MAL: variants seen among roughly 807,000 people sequenced by gnomAD.
The protein encoded by MAL is myelin and lymphocyte protein.
A neutral mutation model predicts 16.7 loss-of-function variants in MAL; 5 were observed. The ratio of observed to expected loss-of-function variants is 0.30; its 90% CI spans 0.16 to 0.63. The LOEUF (loss-of-function observed/expected upper bound fraction) is 0.63. MAL is among the 30% of genes least tolerant of loss of function. The pLI is 0.82. For synonymous variants in MAL, 96 were observed against 85.5 expected (o/e 1.12, Z -0.67); for missense variants, 202 against 195.8 (o/e 1.03, Z -0.19).
chr2:95,032,015 A>G (rs1246940650), intron 1 of MAL, among the ~76,000 whole-genome samples: 1 of 152,220 alleles, frequency 6.6e-6, no homozygotes, highest in East Asian at 1.9e-4. Context: ...GTGTCATCAC[A>G]CCTGAGCTAT....
chr2:95,035,328 C>G (rs748242622), intron 1 of MAL, among the ~76,000 whole-genome samples: 3 of 152,238 alleles, frequency 2.0e-5, no homozygotes, highest in Non-Finnish European at 2.9e-5. Flanking sequence ...AGTATTTTCA[C>G]AGAACCTCTT....
At chr2:95,029,418 A>G (rs1203237846) in intron 1 of MAL, among the ~76,000 whole-genome samples, 1 of 152,258 alleles carries the variant, frequency 6.6e-6, no homozygotes, top group African/African-American at 2.4e-5. Context: ...CTTCTGCAAC[A>G]TGCTTTCCAG....
intron 1 of MAL, among the ~76,000 whole-genome samples, chr2:95,043,916 A>C (rs1204110263): frequency 6.6e-6 from 1 of 152,166 alleles, no homozygotes; most frequent in African/African-American, 2.4e-5. Flanking sequence ...ATCTGTGACT[A>C]CCTTCACCTT....
rs540660294 is a variant in MAL at position 95,049,567 on chromosome 2, C to A, written c.262-14C>A. On this transcript the variant is annotated splice_polypyrimidine_tract_variant and intron_variant, in intron 2 of 3. Transcript: ENST00000309988. Reference sequence around the variant, plus strand: ...CTCTCTCCCCATCCCTCTGACACCCCGTCTGCCCCATAGGACGCAGCCTAC... The same window carrying A: ...CTCTCTCCCCATCCCTCTGACACCCAGTCTGCCCCATAGGACGCAGCCTAC... 2 of 1,613,852 alleles carry A rather than the reference C, an allele frequency of 1.2e-6. No homozygotes were observed. The highest frequency in any genetic ancestry group is 1.7e-6 in the Non-Finnish European group (2 of 1,179,940).
At chr2:95,047,682 A>T (rs754645693) in intron 1 of MAL, among the ~76,000 whole-genome samples, 5 of 152,178 alleles carry the variant, frequency 3.3e-5, no homozygotes, top group Non-Finnish European at 7.4e-5. Flanking sequence ...ACGCCACTGT[A>T]CTCACGCCTG....
At chr2:95,049,533 GC>G (rs753813068) in intron 2 of MAL, 47 bp from the exon 3 acceptor site, 2 of 1,607,876 alleles carry the variant, frequency 1.2e-6, no homozygotes, top group Non-Finnish European at 1.7e-6. Context: ...CTGCATCTGG[GC>G]CCCGTCTCTC....
chr2:95,049,471 T>G, intron 2 of MAL, 110 bp from the exon 3 acceptor site: 1 of 1,381,360 alleles, frequency 7.2e-7, no homozygotes. Flanking sequence ...GGGGTGGGAT[T>G]CAAAGGAAGT....
chr2:95,047,796 G>A (rs940676208), intron 1 of MAL, among the ~76,000 whole-genome samples, 163 bp from the exon 2 acceptor site: 1 of 152,202 alleles, frequency 6.6e-6, no homozygotes, highest in African/African-American at 2.4e-5. Context: ...GGCCCTGGGG[G>A]GACTAAAGAT....
intron 1 of MAL, among the ~76,000 whole-genome samples, chr2:95,043,364 A>T (rs1674514911): frequency 6.6e-6 from 1 of 152,254 alleles, no homozygotes; most frequent in South Asian, 2.1e-4. Context: ...GCTCAGTGCC[A>T]GAAGCTTCAT....
intron 1 of MAL, among the ~76,000 whole-genome samples, chr2:95,037,073 G>A (rs1313838285): frequency 6.8e-6 from 1 of 148,084 alleles, no homozygotes; most frequent in Admixed American, 6.7e-5. Flanking sequence ...GAGTGACTGA[G>A]TGGGTGAGTG....
intron 1 of MAL, among the ~76,000 whole-genome samples, chr2:95,035,011 T>C (rs1426719111): frequency 6.6e-6 from 1 of 152,158 alleles, no homozygotes; most frequent in Non-Finnish European, 1.5e-5. Flanking sequence ...GGGTCTCCTC[T>C]CTCACCTACC....
At chr2:95,053,267 CCCAAGCTCTCTGG>C in intron 3 of MAL, 101 bp from the exon 4 acceptor site, 1 of 756,808 alleles carries the variant, frequency 1.3e-6, no homozygotes, top group Non-Finnish European at 2.4e-6. Context: ...GCAATGACAG[CCCAAGCTCTCTGG>C]GTCTGGCCCC....
At chr2:95,033,337 C>T (rs1674132537) in intron 1 of MAL, among the ~76,000 whole-genome samples, 1 of 152,174 alleles carries the variant, frequency 6.6e-6, no homozygotes, top group Non-Finnish European at 1.5e-5. Flanking sequence ...GGCATTTCAT[C>T]TTGTGCTGTA....
At chr2:95,040,961 C>T (rs1161776788) in intron 1 of MAL, among the ~76,000 whole-genome samples, 5 of 152,140 alleles carry the variant, frequency 3.3e-5, no homozygotes, top group African/African-American at 1.2e-4. Context: ...GCTCTGGGGA[C>T]CACACCACCA....
chr2:95,026,161 G>A (rs567601164), intron 1 of MAL, among the ~76,000 whole-genome samples: 1 of 152,262 alleles, frequency 6.6e-6, no homozygotes, highest in East Asian at 2.0e-4. Context: ...GGGCAGGGGG[G>A]GACGGCTCTT....
intron 1 of MAL, among the ~76,000 whole-genome samples, chr2:95,037,728 G>GGA: frequency 6.6e-6 from 1 of 151,432 alleles, no homozygotes; most frequent in East Asian, 2.0e-4. Context: ...GACTGAGTCA[G>GGA]TGAGTGACTG....
chr2:95,043,143 G>A (rs1424561015), intron 1 of MAL, among the ~76,000 whole-genome samples: 1 of 152,200 alleles, frequency 6.6e-6, no homozygotes, highest in Non-Finnish European at 1.5e-5. Context: ...GCCCTCTGGA[G>A]AGCCCCTCCC....
chr2:95,044,597 C>A (rs994111870), intron 1 of MAL: 3 of 152,228 alleles, frequency 2.0e-5, no homozygotes, highest in African/African-American at 7.2e-5. Flanking sequence ...GGGGTTAAAC[C>A]CATAGTGGGC....
At chr2:95,038,460 CTGAGTGGGTGAGTGAG>C (rs1674317093) in intron 1 of MAL, among the ~76,000 whole-genome samples, 1 of 69,762 alleles carries the variant, frequency 1.4e-5, no homozygotes, top group South Asian at 5.1e-4. Context: ...GAGTGAGTGA[CTGAGTGGGTGAGTGAG>C]TGACTGAGTG....
Sources: allele counts gnomAD v4.1 joint callset (sites outside exome capture counted in the v4.1 genomes callset), GRCh38; gene constraint gnomAD v4.1.1; transcripts MANE v1.5; gene names NCBI Gene and HGNC (gene_info 2026-07-23, HGNC 2026-07-21).